DMD: variants seen among roughly 807,000 people sequenced by gnomAD.
DMD encodes mutant dystrophin.
DMD carries 63 observed loss-of-function variants against 330.1 expected under a neutral mutation model. The ratio of observed to expected loss-of-function variants is 0.19; its 90% CI spans 0.16 to 0.24. The LOEUF (loss-of-function observed/expected upper bound fraction) is 0.24, where lower values mean the gene tolerates loss of function less well. DMD is among the 10% of genes least tolerant of loss of function. DMD has a pLI of 1.00. For missense variants in DMD, 3,344 were observed against 2,684.1 expected, an observed-to-expected ratio of 1.25 and a Z score of -5.43; for synonymous variants, 1,223 against 959.8, an observed-to-expected ratio of 1.27 and a Z score of -5.07.
At chrX:31,728,285 C>A (rs367698146) in intron 52 of DMD, among the ~76,000 whole-genome samples, 10,523 of 111,487 alleles carry the variant, frequency 0.094, 420 homozygotes, top group Non-Finnish European at 0.12. Context: ...TCGGCCTCCC[C>A]AAGTGCTGGG....
At chrX:32,710,676 AG>A (rs1180874545) in intron 7 of DMD, among the ~76,000 whole-genome samples, 2 of 111,150 alleles carry the variant, frequency 1.8e-5, no homozygotes, top group Non-Finnish European at 3.8e-5. Context: ...TGATATCTAC[AG>A]AAAAAAAAAT....
At chrX:31,708,922 T>G (rs1603450098) in intron 52 of DMD, among the ~76,000 whole-genome samples, 1 of 112,029 alleles carries the variant, frequency 8.9e-6, no homozygotes, top group African/African-American at 3.2e-5. Flanking sequence ...ACTTTTGAAA[T>G]CAAACTTTCT....
intron 54 of DMD, among the ~76,000 whole-genome samples, chrX:31,649,094 A>G (rs1328864536): frequency 8.9e-6 from 1 of 111,910 alleles, no homozygotes; most frequent in Non-Finnish European, 1.9e-5. Context: ...ATTAAACCAA[A>G]TAAGAAAAAC....
chrX:32,745,425 T>G (rs887775790), intron 7 of DMD, among the ~76,000 whole-genome samples: 1 of 112,179 alleles, frequency 8.9e-6, no homozygotes, highest in Non-Finnish European at 1.9e-5. Context: ...TCTTTTGAAA[T>G]ACCTTAAAGC....
At position 31,473,731 on chromosome X, in the gene DMD, AAAC is replaced by A. The variant is rs1196280154; in HGVS notation, c.8937+4372_8937+4374del. Among the ~76,000 whole-genome samples the A allele has an allele frequency of 1.2e-3, 136 of 109,821 alleles. 3 individuals are homozygous for A. The highest frequency in any genetic ancestry group is 5.6e-4 in the African/African-American group (17 of 30,195). On this transcript the variant is annotated intron_variant, in intron 59 of 78. Transcript: ENST00000357033. ...TGTCTCAAAAAAAAAAAAAAAAAGA[AAAC>A]AACAATCCACAAACCTTTTCACCTT...
intron 52 of DMD, among the ~76,000 whole-genome samples, chrX:31,714,393 T>G (rs1357719377): frequency 8.9e-6 from 1 of 112,172 alleles, no homozygotes; most frequent in East Asian, 2.8e-4. Context: ...TTCAATGAAA[T>G]AAGGATCTGT....
chrX:32,059,234 T>G (rs2096204986), intron 44 of DMD, among the ~76,000 whole-genome samples: 2 of 111,365 alleles, frequency 1.8e-5, no homozygotes, highest in Admixed American at 1.9e-4. Context: ...AGAGGGTGGA[T>G]TTCATTAAAA....
intron 39 of DMD, among the ~76,000 whole-genome samples, chrX:32,344,857 C>T (rs750133834): frequency 9.0e-6 from 1 of 111,275 alleles, no homozygotes; most frequent in Non-Finnish European, 1.9e-5. Flanking sequence ...CATAGCGTTC[C>T]GATTTTCTAG....
chrX:31,398,586 G>A (rs2061050067), intron 60 of DMD, among the ~76,000 whole-genome samples: 1 of 112,408 alleles, frequency 8.9e-6, no homozygotes, highest in Non-Finnish European at 1.9e-5. Context: ...ACTGTGCCCA[G>A]CCAGGAGGAA....
At chrX:31,570,994 C>G (rs181347537) in intron 55 of DMD, among the ~76,000 whole-genome samples, 16 of 111,898 alleles carry the variant, frequency 1.4e-4, no homozygotes, top group Admixed American at 1.4e-3. Flanking sequence ...AGTTTCTCAA[C>G]AATTTCTCTG....
At chrX:32,020,052 A>C (rs2147133123) in intron 44 of DMD, among the ~76,000 whole-genome samples, 1 of 112,917 alleles carries the variant, frequency 8.9e-6, no homozygotes, top group African/African-American at 3.2e-5. Context: ...AAGGCTTTGA[A>C]ATTCACTAGT....
At chrX:32,005,943 T>C (rs1044511401) in intron 44 of DMD, among the ~76,000 whole-genome samples, 1 of 111,503 alleles carries the variant, frequency 9.0e-6, no homozygotes, top group Non-Finnish European at 1.9e-5. Context: ...AGCACTTTAA[T>C]GAAGTGGTGG....
rs780754405 is a variant in DMD, at chrX:31,974,226, C to T, written c.6439-5712G>A. Among the ~76,000 whole-genome samples, 4 of 110,532 alleles carry T rather than the reference C, an allele frequency of 3.6e-5. No homozygotes were observed. The East Asian group carries it at 8.6e-4, about 24-fold the overall frequency. ...GAGCTAAACATAGAGCATATATGGA[C>T]GTAAATATGCGAACAACAGATACCG... On this transcript the variant is annotated intron_variant, in intron 44 of 78. Transcript: ENST00000357033.
chrX:32,883,939 T>A (rs776921216), intron 2 of DMD, among the ~76,000 whole-genome samples: 1 of 109,540 alleles, frequency 9.1e-6, no homozygotes, highest in Non-Finnish European at 1.9e-5. Flanking sequence ...TCTGTAGATG[T>A]TCTATAGAGG....
intron 1 of DMD, among the ~76,000 whole-genome samples, chrX:33,185,545 A>T (rs1423016449): frequency 9.0e-6 from 1 of 111,443 alleles, no homozygotes; most frequent in Non-Finnish European, 1.9e-5. Flanking sequence ...TTTAACTTCA[A>T]CTATCATCTA....
At chrX:32,083,916 C>G (rs1347326797) in intron 44 of DMD, among the ~76,000 whole-genome samples, 4 of 112,671 alleles carry the variant, frequency 3.6e-5, no homozygotes, top group Non-Finnish European at 5.6e-5. Context: ...CAAATATATG[C>G]ATAATCATCT....
chrX:32,918,987 G>T (rs2088117433), intron 2 of DMD, among the ~76,000 whole-genome samples: 3 of 112,249 alleles, frequency 2.7e-5, no homozygotes, highest in Admixed American at 1.9e-4. Context: ...ACGTTCAAAA[G>T]CTTGGTAGGT....
intron 7 of DMD, among the ~76,000 whole-genome samples, chrX:32,761,130 T>C (rs56323990): frequency 8.0e-5 from 9 of 112,111 alleles, no homozygotes; most frequent in Non-Finnish European, 1.7e-4. Context: ...TGTCATTTGT[T>C]CCTGTGACTT....
At chrX:32,807,627 C>T (rs1279398589) in intron 7 of DMD, among the ~76,000 whole-genome samples, 1 of 111,439 alleles carries the variant, frequency 9.0e-6, no homozygotes, top group Admixed American at 9.5e-5. Context: ...ATAAAATACA[C>T]TATTCATGTA....
Sources: gnomAD v4.1 joint callset for allele counts (sites outside exome capture counted in the v4.1 genomes callset) on GRCh38, gnomAD v4.1.1 for gene constraint, MANE v1.5 for transcripts, NCBI Gene and HGNC (gene_info 2026-07-23, HGNC 2026-07-21) for gene names.